Variants in UGT1A7 observed in about 807,000 individuals in gnomAD.
UGT1A7 encodes UDP-glucuronosyltransferase 1A7.
In UGT1A7, 33 loss-of-function variants were observed where a neutral mutation model predicts 45.6. The observed-to-expected ratio is 0.72, with a 90% confidence interval of 0.55 to 0.97. UGT1A7 has a LOEUF of 0.97. UGT1A7 is among the 50% of genes least tolerant of loss of function. The pLI, the probability that UGT1A7 is intolerant of heterozygous loss-of-function variation, is 0.00. For synonymous variants in UGT1A7, 274 were observed against 250.6 expected, an observed-to-expected ratio of 1.09 and a Z score of -0.88; for missense variants, 684 against 666.2, an observed-to-expected ratio of 1.03 and a Z score of -0.29.
chr2:233,762,002 C>A (rs1378101119), intron 1 of UGT1A7, among the ~76,000 whole-genome samples: 2 of 152,188 alleles, frequency 1.3e-5, no homozygotes, highest in Non-Finnish European at 2.9e-5. Flanking sequence ...TTCCACTATA[C>A]CTCCAATGTG....
chr2:233,743,058 A>G lies in UGT1A7; in HGVS notation c.856-23976A>G, dbSNP rs79897461. ...GTCCTATCCGTGTAGTCCCAACGAT[A>G]AGAACAGGTGTTGGCATGAAGTGTT... On this transcript the variant is annotated intron_variant, in intron 1 of 4. Coordinates refer to ENST00000373426, the MANE Select transcript of UGT1A7 (RefSeq NM_019077.3). The G allele has an allele frequency of 7.7e-5, 25 of 325,552 alleles. No homozygotes were observed. The East Asian group carries it at 1.9e-3, about 25-fold the overall frequency. The allele number at this position is 325,552 out of a possible 1,614,324, so 20.2% of individuals were successfully genotyped here. A position where few individuals can be genotyped will look rare whatever the true frequency, so the allele number is the denominator to read the frequency against.
chr2:233,695,661 G>A (rs1257183826), intron 1 of UGT1A7, among the ~76,000 whole-genome samples: 1 of 151,638 alleles, frequency 6.6e-6, no homozygotes, highest in Non-Finnish European at 1.5e-5. Context: ...ATATAAATGA[G>A]AACATGTGGT....
chr2:233,681,908 C>G lies in UGT1A7; in HGVS notation c.-30C>G. The G allele has an allele frequency of 6.3e-7, 1 of 1,598,330 alleles. No individual in the cohort carries two copies. The highest frequency in any genetic ancestry group is 1.7e-4 in the Middle Eastern group (1 of 5,934). The stretch of plus-strand genomic sequence containing the variant: ...ACTATATTATAGGAGCTTAGAATCC[C>G]AGCTGCTGGCTCTGGGCTGAAGTTC... On this transcript the variant is annotated 5_prime_UTR_variant, in exon 1 of 5. Transcript: ENST00000373426.
chr2:233,693,235 C>G, intron 1 of UGT1A7: 6 of 1,614,162 alleles, frequency 3.7e-6, no homozygotes, highest in Non-Finnish European at 5.1e-6. Flanking sequence ...CAAGAAAAAT[C>G]TATCCAGTGC....
intron 1 of UGT1A7, among the ~76,000 whole-genome samples, chr2:233,738,560 A>T (rs943884340): frequency 6.6e-6 from 1 of 152,198 alleles, no homozygotes; most frequent in Non-Finnish European, 1.5e-5. Flanking sequence ...AGAGATGAGG[A>T]ATCTGTTGAG....
intron 1 of UGT1A7, among the ~76,000 whole-genome samples, chr2:233,735,445 G>A (rs1440470115): frequency 6.6e-6 from 1 of 152,036 alleles, no homozygotes; most frequent in Non-Finnish European, 1.5e-5. Flanking sequence ...GCATACCGAT[G>A]GGCCTTGACT....
intron 1 of UGT1A7, among the ~76,000 whole-genome samples, chr2:233,725,446 A>G (rs1478370195): frequency 6.6e-6 from 1 of 152,006 alleles, no homozygotes; most frequent in Non-Finnish European, 1.5e-5. Flanking sequence ...AGCCACATAC[A>G]TAATTTAAAC....
intron 1 of UGT1A7, chr2:233,719,187 G>A (rs747678615): frequency 1.3e-5 from 21 of 1,614,050 alleles, no homozygotes; most frequent in Admixed American, 1.0e-4. Flanking sequence ...TGTATCTTTG[G>A]CCCTTCATAG....
At chr2:233,746,037 G>A (rs1056217183) in intron 1 of UGT1A7, among the ~76,000 whole-genome samples, 1 of 151,708 alleles carries the variant, frequency 6.6e-6, no homozygotes, top group African/African-American at 2.4e-5. Context: ...CTTACTTGCT[G>A]GCTTGGATGC....
chr2:233,696,516 CT>C (rs1314589445), intron 1 of UGT1A7, among the ~76,000 whole-genome samples: 2 of 152,156 alleles, frequency 1.3e-5, no homozygotes, highest in African/African-American at 4.8e-5. Flanking sequence ...GTTCTAACAG[CT>C]TTTGGGTGGA....
rs775448281 is a variant in UGT1A7, at chr2:233,713,196, A to G, written c.855+30404A>G. 9 of 1,614,120 alleles carry G rather than the reference A, an allele frequency of 5.6e-6. No individual in the cohort carries two copies. In the African/African-American group the frequency reaches 1.1e-4, roughly 19 times the overall value. ...CCTCACCCTGGAGGTGAATATGTAC[A>G]TCAAAGAAGAGAACTTTTTCACCCT... is the stretch of plus-strand genomic sequence containing the variant. On this transcript the variant is annotated intron_variant, in intron 1 of 4. Transcript: ENST00000373426.
chr2:233,698,753 A>G (rs887164106), intron 1 of UGT1A7, among the ~76,000 whole-genome samples: 4 of 152,244 alleles, frequency 2.6e-5, no homozygotes, highest in African/African-American at 7.2e-5. Context: ...ACATAATGCT[A>G]TGATTCAGAA....
intron 1 of UGT1A7, among the ~76,000 whole-genome samples, chr2:233,712,595 G>A (rs1037088444): frequency 6.6e-6 from 1 of 152,200 alleles, no homozygotes; most frequent in African/African-American, 2.4e-5. Context: ...AGACCATATG[G>A]TTGGGGACTA....
intron 1 of UGT1A7, chr2:233,753,724 A>C (rs1430811344): frequency 6.6e-6 from 1 of 152,226 alleles, no homozygotes; most frequent in Admixed American, 6.5e-5. Flanking sequence ...CTAATTTGAT[A>C]TGCCCCAAGC....
intron 1 of UGT1A7, among the ~76,000 whole-genome samples, chr2:233,722,234 T>C (rs551912066): frequency 1.3e-5 from 2 of 152,362 alleles, no homozygotes; most frequent in East Asian, 1.9e-4. Flanking sequence ...ATCTTTATCA[T>C]GTATTATCTG....
At chr2:233,765,532 C>T (rs769087620) in intron 1 of UGT1A7, among the ~76,000 whole-genome samples, 15 of 152,064 alleles carry the variant, frequency 9.9e-5, no homozygotes, top group Non-Finnish European at 2.1e-4. Context: ...CGCATGTTCT[C>T]ACTCATAAGT....
intron 1 of UGT1A7, chr2:233,690,722 A>G (rs2075004731): frequency 1.6e-6 from 2 of 1,215,054 alleles, no homozygotes; most frequent in Non-Finnish European, 2.1e-6. Flanking sequence ...TGACGAACAG[A>G]CATGCCAGAT....
At chr2:233,710,606 T>C (rs2076139270) in intron 1 of UGT1A7, among the ~76,000 whole-genome samples, 1 of 152,202 alleles carries the variant, frequency 6.6e-6, no homozygotes, top group African/African-American at 2.4e-5. Flanking sequence ...ATTGGTTTGT[T>C]TGTCTTCTTA....
At chr2:233,728,129 G>A (rs554109385) in intron 1 of UGT1A7, among the ~76,000 whole-genome samples, 1 of 152,318 alleles carries the variant, frequency 6.6e-6, no homozygotes, top group South Asian at 2.1e-4. Context: ...ATTTGGACTA[G>A]GGCCCCCACA....
Sources: gnomAD v4.1 joint callset for allele counts (sites outside exome capture counted in the v4.1 genomes callset) on GRCh38, gnomAD v4.1.1 for gene constraint, MANE v1.5 for transcripts, NCBI Gene and HGNC (gene_info 2026-07-23, HGNC 2026-07-21) for gene names.